The following RILPL1 variants were observed in gnomAD, a reference collection of about 807,000 sequenced individuals.
RILPL1 encodes Rab interacting lysosomal protein like 1.
RILPL1 carries 33 observed loss-of-function variants against 50.3 expected under a neutral mutation model. The observed-to-expected ratio is 0.66, with a 90% CI of 0.50 to 0.88. The LOEUF (loss-of-function observed/expected upper bound fraction) is 0.88, where lower values mean the gene tolerates loss of function less well. RILPL1 is among the 40% of genes least tolerant of loss of function. The pLI is 0.00. For synonymous variants in RILPL1, 205 were observed against 228.6 expected (o/e 0.90, Z 0.93); for missense variants, 418 against 542.5 (o/e 0.77, Z 2.28).
chr12:123,505,774 A>G (rs1240985152), intron 2 of RILPL1, among the ~76,000 whole-genome samples: 2 of 152,120 alleles, frequency 1.3e-5, no homozygotes, highest in Non-Finnish European at 2.9e-5. Flanking sequence ...AAGATGCACC[A>G]CTACAGCTGG....
chr12:123,525,025 G>C (rs573358856), intron 1 of RILPL1, among the ~76,000 whole-genome samples: 1 of 152,128 alleles, frequency 6.6e-6, no homozygotes. Context: ...CCAGCTACTC[G>C]GGAGGCTGAG....
intron 4 of RILPL1, among the ~76,000 whole-genome samples, chr12:123,486,684 G>C (rs1045394826): frequency 2.6e-5 from 4 of 152,178 alleles, no homozygotes; most frequent in African/African-American, 9.7e-5. Flanking sequence ...CTGTCACCCA[G>C]GCTGGAGTGC....
At chr12:123,486,502 C>T (rs571518700) in intron 4 of RILPL1, among the ~76,000 whole-genome samples, 21 of 152,292 alleles carry the variant, frequency 1.4e-4, no homozygotes, top group African/African-American at 4.8e-4. Flanking sequence ...GTAAAATATA[C>T]ATCATCTAAA....
intron 1 of RILPL1, among the ~76,000 whole-genome samples, chr12:123,532,050 G>A (rs763986158): frequency 1.3e-5 from 2 of 152,150 alleles, no homozygotes; most frequent in Non-Finnish European, 1.5e-5. Context: ...CAGGTAAAGG[G>A]TTCAGACCCA....
chr12:123,529,084 C>T (rs928455863), intron 1 of RILPL1, among the ~76,000 whole-genome samples: 3 of 152,202 alleles, frequency 2.0e-5, no homozygotes, highest in Non-Finnish European at 4.4e-5. Context: ...TGCATTCCTA[C>T]CTCAGGACCT....
intron 2 of RILPL1, among the ~76,000 whole-genome samples, chr12:123,503,766 C>T (rs893952898): frequency 2.6e-5 from 4 of 152,012 alleles, no homozygotes; most frequent in Non-Finnish European, 5.9e-5. Context: ...CTTTAGGAGG[C>T]TGAGGCGGGT....
rs915984226 is a variant in RILPL1, at chr12:123,471,691, A to T, written c.*847T>A. On this transcript the variant is annotated 3_prime_UTR_variant, in exon 7 of 7. Coordinates refer to ENST00000376874, the MANE Select transcript of RILPL1 (RefSeq NM_178314.5). ...GCCCTCCTGCATTGCCTAGGATCCC[A>T]CGCCCCGCTTTCAGTCTGCTCTGGG... 4 of 152,172 alleles carry T rather than the reference A, an allele frequency of 2.6e-5. No individual in the cohort carries two copies. The highest frequency in any genetic ancestry group is 9.7e-5 in the African/African-American group (4 of 41,380). 9.4% of individuals were successfully genotyped at this position (152,172 alleles called of 1,614,324 possible).
intron 2 of RILPL1, chr12:123,515,183 C>CA (rs2139372617): frequency 6.6e-6 from 1 of 152,120 alleles, no homozygotes; most frequent in South Asian, 2.1e-4. Context: ...CCTCCTGCCT[C>CA]AGACTCCCAA....
chr12:123,485,813 A>T lies in RILPL1; in HGVS notation c.802-8T>A. ...CTCTCCCACCGGCTCCGTCTGGAGG[A>T]GGCAGAGATGCTGCTAATGAATTCT... On this transcript the variant is annotated splice_polypyrimidine_tract_variant and splice_region_variant and intron_variant, in intron 4 of 6. Transcript: ENST00000376874. The surrounding 1 kb of genome is among the most constrained non-coding windows in gnomAD (Gnocchi z 4.0). The T allele has an allele frequency of 6.3e-7, 1 of 1,594,314 alleles. No individual in the cohort carries two copies. Among genetic ancestry groups the T allele is most frequent in the Non-Finnish European group, 8.5e-7 (1 of 1,171,238 alleles).
At chr12:123,526,565 T>G (rs1301697568) in intron 1 of RILPL1, among the ~76,000 whole-genome samples, 1 of 152,134 alleles carries the variant, frequency 6.6e-6, no homozygotes, top group African/African-American at 2.4e-5. Context: ...GCACTAACAA[T>G]GTGTGTGCTG....
At position 123,498,598 on chromosome 12, in the gene RILPL1, C is replaced by CTT; in HGVS notation, c.745_746dup (p.Leu250SerfsTer193). 6.2e-7 allele frequency: 1 copy of CTT among 1,613,772 alleles called. No individual in the cohort carries two copies. The highest frequency in any genetic ancestry group is 8.5e-7 in the Non-Finnish European group (1 of 1,179,900). ...GCTCCCCCTGCAGCCTCTCTCGCAACTTCCCCAGCTCTGCTCGCAGGCTGC... is the reference window on the plus strand; with the variant it reads ...GCTCCCCCTGCAGCCTCTCTCGCAACTTTTCCCCAGCTCTGCTCGCAGGCTGC... On this transcript the variant is annotated frameshift_variant, in exon 4 of 7. Transcript: ENST00000376874. LOFTEE classifies it high-confidence loss of function. The surrounding 1 kb of genome is among the most constrained non-coding windows in gnomAD (Gnocchi z 4.3).
At chr12:123,524,638 G>T (rs763414639) in intron 1 of RILPL1, among the ~76,000 whole-genome samples, 4 of 152,176 alleles carry the variant, frequency 2.6e-5, no homozygotes, top group Admixed American at 6.6e-5. Flanking sequence ...AACATAGGTG[G>T]ACCCTGAAAA....
Position 123,521,767 on chromosome 12 carries a change from A to G in RILPL1, c.460+1728T>C, listed in dbSNP as rs531302373. On this transcript the variant is annotated intron_variant, in intron 2 of 6. Transcript: ENST00000376874. ...TAAAAATATATATATACACACATAT[A>G]TGTGTATATATACTTTTTTTTTTGA... 2.0e-3 allele frequency among the ~76,000 whole-genome samples: 285 copies of G among 143,908 alleles called. 6 individuals are homozygous for G. Among genetic ancestry groups the G allele is most frequent in the African/African-American group, 6.7e-3 (263 of 39,258 alleles). 94.4% of individuals were successfully genotyped at this position (143,908 alleles called of 152,430 possible).
At chr12:123,511,940 TTG>T (rs143408241) in intron 2 of RILPL1, among the ~76,000 whole-genome samples, 9 of 48,868 alleles carry the variant, frequency 1.8e-4, no homozygotes, top group Admixed American at 4.6e-4. Context: ...TGTGTGAGGT[TTG>T]TGTGTGTGTG....
intron 5 of RILPL1, 58 bp from the exon 6 acceptor site, chr12:123,484,330 C>T: frequency 8.8e-7 from 1 of 1,134,842 alleles, no homozygotes; most frequent in South Asian, 1.3e-5. Context: ...AGAACTGGAA[C>T]ATTCCAGAAG....
At chr12:123,504,214 G>T (rs1883590389) in intron 2 of RILPL1, among the ~76,000 whole-genome samples, 1 of 152,098 alleles carries the variant, frequency 6.6e-6, no homozygotes, top group African/African-American at 2.4e-5. Flanking sequence ...GGTGAACAAG[G>T]GGGAAACGTC....
intron 4 of RILPL1, among the ~76,000 whole-genome samples, chr12:123,493,322 G>T (rs1882821287): frequency 6.6e-6 from 1 of 152,114 alleles, no homozygotes; most frequent in African/African-American, 2.4e-5. Context: ...TCACGTGTTT[G>T]TCTGCTGACC....
chr12:123,517,163 G>A (rs1884748457), intron 2 of RILPL1, among the ~76,000 whole-genome samples: 1 of 152,204 alleles, frequency 6.6e-6, no homozygotes, highest in Non-Finnish European at 1.5e-5. Flanking sequence ...TTTGGCTGCA[G>A]AGGAAGAGAC....
At position 123,471,020 on chromosome 12, in the gene RILPL1, G is replaced by C. The variant is rs1438113061; in HGVS notation, c.*1518C>G. 6.6e-6 allele frequency: 1 copy of C among 151,612 alleles called. No individual in the cohort carries two copies. The highest frequency in any genetic ancestry group is 1.9e-4 in the East Asian group (1 of 5,190). The allele number at this position is 151,612 out of a possible 1,614,324, so 9.4% of individuals were successfully genotyped here. On this transcript the variant is annotated 3_prime_UTR_variant, in exon 7 of 7. Transcript: ENST00000376874. The stretch of plus-strand genomic sequence containing the variant: ...ATCATTTCTTTTTTTCGGCAATCTG[G>C]AAGCAGAGTCCATTCTAGATTCTGC...
Sources: gnomAD v4.1 joint callset for allele counts (sites outside exome capture counted in the v4.1 genomes callset) on GRCh38, gnomAD v4.1.1 for gene constraint, Gnocchi (gnomAD v3.1) non-coding constraint, MANE v1.5 for transcripts, NCBI Gene and HGNC (gene_info 2026-07-23, HGNC 2026-07-21) for gene names.